Variants in ADGB observed in about 807,000 individuals in gnomAD.
The protein encoded by ADGB is androglobin.
ADGB carries 172 observed loss-of-function variants against 210.5 expected under a neutral mutation model. That is an observed-to-expected ratio of 0.82 (90% confidence interval 0.72 to 0.93). The LOEUF (loss-of-function observed/expected upper bound fraction) is 0.93. ADGB is among the 40% of genes least tolerant of loss of function. The pLI is 0.00. For synonymous variants in ADGB, 658 were observed against 662.7 expected (o/e 0.99, Z 0.11); for missense variants, 2,025 against 1,964.8 (o/e 1.03, Z -0.58).
intron 33 of ADGB, among the ~76,000 whole-genome samples, chr6:146,794,471 T>G (rs1778008634): frequency 6.6e-6 from 1 of 152,182 alleles, no homozygotes; most frequent in South Asian, 2.1e-4. Context: ...AATTAAAAAA[T>G]AATTTGGATA....
In ADGB at chr6:146,773,978, C is replaced by T. The variant is rs1022213569; in HGVS notation, c.3862+4847C>T. On this transcript the variant is annotated intron_variant, in intron 29 of 35. Coordinates refer to ENST00000397944, the MANE Select transcript of ADGB (RefSeq NM_024694.4). ...ACAGACAGTTTAAGAAACTTGCTCT[C>T]AGTCACACAGCTAGTGACTGGCACA... 6.6e-5 allele frequency among the ~76,000 whole-genome samples: 10 copies of T among 152,264 alleles called. No individual in the cohort carries two copies. In the South Asian group the frequency reaches 1.0e-3, roughly 16 times the overall value.
At chr6:146,803,194 A>G in intron 35 of ADGB, 1 of 1,507,020 alleles carries the variant, frequency 6.6e-7, no homozygotes, top group Non-Finnish European at 9.2e-7. Context: ...CTCCTTCTCC[A>G]GAAACTTAAA....
chr6:146,686,419 A>T (rs1178784013), intron 10 of ADGB, among the ~76,000 whole-genome samples: 1 of 152,090 alleles, frequency 6.6e-6, no homozygotes, highest in Non-Finnish European at 1.5e-5. Flanking sequence ...ACATTTTGGC[A>T]TATATACTCT....
At chr6:146,628,123 G>A (rs955132024) in intron 1 of ADGB, among the ~76,000 whole-genome samples, 10 of 151,920 alleles carry the variant, frequency 6.6e-5, no homozygotes, top group African/African-American at 2.2e-4. Flanking sequence ...TTTTAAAGTC[G>A]TTTTTACAAG....
Position 146,764,029 on chromosome 6 carries a change from GGTC to G in ADGB, c.3680_3682del (p.Gly1227_Leu1228delinsVal). 1 of 1,551,370 alleles carries G rather than the reference GGTC, an allele frequency of 6.4e-7. No individual in the cohort carries two copies. The highest frequency in any genetic ancestry group is 1.2e-5 in the South Asian group (1 of 84,042). Reference sequence around the variant, plus strand: ...AGCTGTAAGTGCAATACAAGACATTGGTCTACCCCTTGTGGAGGAGGAAACTAC... The same window carrying G: ...AGCTGTAAGTGCAATACAAGACATTGTACCCCTTGTGGAGGAGGAAACTAC... On this transcript the variant is annotated inframe_deletion, in exon 28 of 36. Transcript: ENST00000397944.
chr6:146,605,239 G>A (rs1780615272), intron 1 of ADGB, among the ~76,000 whole-genome samples: 1 of 152,150 alleles, frequency 6.6e-6, no homozygotes, highest in South Asian at 2.1e-4. Context: ...GAGATAATGG[G>A]AGAATGCGTG....
Position 146,786,111 on chromosome 6 carries a change from GTA to G in ADGB, c.4315+404_4315+405del, listed in dbSNP as rs539799884. Among the ~76,000 whole-genome samples, 384 of 147,454 alleles carry G rather than the reference GTA, an allele frequency of 2.6e-3. 3 individuals carry two copies. The highest frequency in any genetic ancestry group is 9.0e-3 in the African/African-American group (366 of 40,506). ...AATAACAAAAAGAAGTCATTTTTAA[GTA>G]TATAATATATATTTTAAGTATATAT... is the stretch of plus-strand genomic sequence containing the variant. On this transcript the variant is annotated intron_variant, in intron 32 of 35. Coordinates refer to ENST00000397944, the MANE Select transcript of ADGB (RefSeq NM_024694.4).
intron 35 of ADGB, chr6:146,802,788 A>T: frequency 6.2e-7 from 1 of 1,605,532 alleles, no homozygotes; most frequent in Non-Finnish European, 8.5e-7. Flanking sequence ...TTAGTAGATG[A>T]AATCTCTCAA....
chr6:146,717,214 T>G (rs1776749328), intron 15 of ADGB, 145 bp downstream of exon 15: 1 of 656,612 alleles, frequency 1.5e-6, no homozygotes, highest in Non-Finnish European at 2.5e-6. Flanking sequence ...TCATCCAAAA[T>G]AAGCCAATAA....
chr6:146,712,545 G>A (rs968737344), intron 13 of ADGB, among the ~76,000 whole-genome samples: 1 of 151,958 alleles, frequency 6.6e-6, no homozygotes, highest in African/African-American at 2.4e-5. Flanking sequence ...GCTGCATACT[G>A]CATGAACCAC....
intron 35 of ADGB, among the ~76,000 whole-genome samples, chr6:146,811,633 A>C (rs1430858816): frequency 1.3e-5 from 2 of 151,918 alleles, no homozygotes; most frequent in African/African-American, 4.8e-5. Context: ...GATAGTTTTC[A>C]CTTGCTTTCT....
intron 3 of ADGB, among the ~76,000 whole-genome samples, chr6:146,645,182 C>A (rs1043233941): frequency 6.6e-6 from 1 of 151,974 alleles, no homozygotes; most frequent in Non-Finnish European, 1.5e-5. Flanking sequence ...CTTCTTTCTG[C>A]TTCTTTGCAT....
At chr6:146,600,106 G>A (rs920366904) in intron 1 of ADGB, among the ~76,000 whole-genome samples, 4 of 152,032 alleles carry the variant, frequency 2.6e-5, no homozygotes, top group Non-Finnish European at 4.4e-5. Flanking sequence ...CCATGTCTGT[G>A]AATCTCTAGT....
At chr6:146,704,268 T>G (rs1041559488) in intron 13 of ADGB, among the ~76,000 whole-genome samples, 1 of 151,626 alleles carries the variant, frequency 6.6e-6, no homozygotes, top group Non-Finnish European at 1.5e-5. Context: ...TGTCTCCTTA[T>G]AATTGCTTCC....
chr6:146,752,496 A>T, intron 26 of ADGB, 34 bp from the exon 27 acceptor site: 1 of 1,493,604 alleles, frequency 6.7e-7, no homozygotes, highest in Non-Finnish European at 9.0e-7. Flanking sequence ...AGACCAACAT[A>T]CTTGCTTATA....
At chr6:146,741,364 T>G (rs1225082430) in intron 25 of ADGB, 93 bp downstream of exon 25, 1 of 1,162,230 alleles carries the variant, frequency 8.6e-7, no homozygotes, top group South Asian at 1.5e-5. Context: ...GAGTTGTTTT[T>G]AATCTACTTA....
intron 14 of ADGB, 139 bp downstream of exon 14, chr6:146,715,554 TC>T (rs1776720451): frequency 2.0e-6 from 1 of 499,046 alleles, no homozygotes; most frequent in East Asian, 3.5e-5. Flanking sequence ...TCTAGTCTGC[TC>T]TGGGCTTTAA....
rs138928719 is a variant in ADGB, at chr6:146,751,168, C to T, written c.3366-1362C>T. Among the ~76,000 whole-genome samples the T allele has an allele frequency of 6.7e-3, 900 of 135,102 alleles. 6 individuals carry two copies. The highest frequency in any genetic ancestry group is 0.023 in the African/African-American group (850 of 36,676). The allele number at this position is 135,102 out of a possible 152,430, so 88.6% of individuals were successfully genotyped here. ...AACATGCCCTAGAGTAAGTGTTGTTCCCCTCCCTGTGTCCATGTGTTCTCA... is the reference window on the plus strand; with the variant it reads ...AACATGCCCTAGAGTAAGTGTTGTTTCCCTCCCTGTGTCCATGTGTTCTCA... On this transcript the variant is annotated intron_variant, in intron 26 of 35. Transcript: ENST00000397944.
rs1777540722 is a variant in ADGB at position 146,764,095 on chromosome 6, C to G, written c.3745C>G (p.Leu1249Val). Reference protein sequence around the residue: ...PTREDSSSTPLQNYKYIIQCS... With the variant: ...PTREDSSSTPVQNYKYIIQCS... Reference sequence around the variant, plus strand: ...TAGAGAAGACAGTTCCAGCACACCACTGCAGGTATATTAAAAACAATTGTT... The same window carrying G: ...TAGAGAAGACAGTTCCAGCACACCAGTGCAGGTATATTAAAAACAATTGTT... The change falls in exon 28 of 36, where the codon CTG becomes GTG. Residue 1249 changes from leucine (L) to valine (V), a missense_variant. Leu to Val is a conservative substitution (Grantham distance 32). Coordinates refer to ENST00000397944, the MANE Select transcript of ADGB (RefSeq NM_024694.4). 1.3e-6 allele frequency: 2 copies of G among 1,533,382 alleles called. No individual in the cohort carries two copies. Among genetic ancestry groups the G allele is most frequent in the African/African-American group, 1.4e-5 (1 of 72,026 alleles). 95.0% of individuals were successfully genotyped at this position (1,533,382 alleles called of 1,614,324 possible). A position where few individuals can be genotyped will look rare whatever the true frequency, so the allele number is the denominator to read the frequency against.
Sources: gnomAD v4.1 joint callset for allele counts (sites outside exome capture counted in the v4.1 genomes callset) on GRCh38, gnomAD v4.1.1 for gene constraint, MANE v1.5 for transcripts, NCBI Gene and HGNC (gene_info 2026-07-23, HGNC 2026-07-21) for gene names.